The following CEP152 variants were observed in gnomAD, a reference collection of about 807,000 sequenced individuals.
CEP152 encodes the protein centrosomal protein of 152 kDa.
In CEP152, 132 loss-of-function variants were observed where a neutral mutation model predicts 188.9. That is an observed-to-expected ratio of 0.70 (90% CI 0.61 to 0.81). The LOEUF (loss-of-function observed/expected upper bound fraction) is 0.81. Among genes scored for constraint, CEP152 ranks in the 30% least tolerant of loss-of-function variants. CEP152 has a pLI of 0.00. For missense variants in CEP152, 1,914 were observed against 1,969.8 expected, an observed-to-expected ratio of 0.97 and a Z score of 0.54; for synonymous variants, 649 against 666.6, an observed-to-expected ratio of 0.97 and a Z score of 0.41.
chr15:48,802,888 T>C (rs1296143654), intron 2 of CEP152, among the ~76,000 whole-genome samples: 1 of 152,226 alleles, frequency 6.6e-6, no homozygotes, highest in Non-Finnish European at 1.5e-5. Context: ...TGGGCCCATG[T>C]GGACAAAATC....
chr15:48,778,946 T>C (rs1018962441), intron 12 of CEP152, among the ~76,000 whole-genome samples: 22 of 138,710 alleles, frequency 1.6e-4, no homozygotes, highest in African/African-American at 5.9e-4. Context: ...CAAAACTCCA[T>C]CTCAAAAAAA....
At chr15:48,767,033 T>C in intron 17 of CEP152, 27 bp downstream of exon 17, 1 of 1,610,832 alleles carries the variant, frequency 6.2e-7, no homozygotes, top group Non-Finnish European at 8.5e-7. Flanking sequence ...TGAAAGGATG[T>C]CGATACAACA....
intron 21 of CEP152, among the ~76,000 whole-genome samples, chr15:48,749,494 T>C (rs1893720361): frequency 1.3e-5 from 2 of 151,988 alleles, no homozygotes; most frequent in South Asian, 2.1e-4. Context: ...AGTAATTATA[T>C]AGTGAAGAAA....
intron 1 of CEP152, among the ~76,000 whole-genome samples, chr15:48,807,903 T>TTTAAA (rs1898087856): frequency 2.8e-5 from 1 of 35,638 alleles, no homozygotes; most frequent in Non-Finnish European, 6.9e-5. Context: ...GGGTTTTGTT[T>TTTAAA]TTAAAGAGAA....
At chr15:48,758,381 T>C (rs1209220161) in intron 19 of CEP152, among the ~76,000 whole-genome samples, 1 of 152,112 alleles carries the variant, frequency 6.6e-6, no homozygotes, top group Admixed American at 6.5e-5. Context: ...TAGTGCTACT[T>C]ACATCCAAGT....
In CEP152 at chr15:48,738,741, A is replaced by C. The variant is rs1300345119; in HGVS notation, c.4641T>G (p.Ala1547=). Residue 1547 remains alanine, a synonymous_variant, in exon 27 of 27, where the codon GCT becomes GCG. Transcript: ENST00000380950. The part of the protein sequence containing the change: ...KCNPLMESEN[A]ASEKSQGLDV... ...CCAAACCTTGACTTTTCTCAGATGC[A>C]GCATTTTCACTTTCCATTAGTGGAT... 3.1e-6 allele frequency: 5 copies of C among 1,614,220 alleles called. No homozygotes were observed. The highest frequency in any genetic ancestry group is 1.6e-4 in the Middle Eastern group (1 of 6,062).
At chr15:48,769,543 C>A (rs1436864064) in intron 13 of CEP152, among the ~76,000 whole-genome samples, 17 of 152,162 alleles carry the variant, frequency 1.1e-4, no homozygotes, top group Admixed American at 1.1e-3. Flanking sequence ...GATATGTGCT[C>A]TTTGCAGGAG....
At chr15:48,751,105 G>C (rs775945522) in intron 21 of CEP152, among the ~76,000 whole-genome samples, 4 of 152,026 alleles carry the variant, frequency 2.6e-5, no homozygotes, top group Non-Finnish European at 4.4e-5. Context: ...CTGGTGGTAG[G>C]ATTTTAAAGG....
At chr15:48,797,250 C>T in intron 5 of CEP152, 51 bp downstream of exon 5, 1 of 1,592,688 alleles carries the variant, frequency 6.3e-7, no homozygotes, top group South Asian at 1.1e-5. Flanking sequence ...AAACATCACG[C>T]AAATGCGTGT....
At chr15:48,777,782 G>A (rs1470449410) in intron 12 of CEP152, among the ~76,000 whole-genome samples, 1 of 152,096 alleles carries the variant, frequency 6.6e-6, no homozygotes, top group Non-Finnish European at 1.5e-5. Flanking sequence ...ATTTTGCTCG[G>A]TTAACAAATT....
At position 48,793,340 on chromosome 15, in the gene CEP152, G is replaced by T; in HGVS notation, c.813C>A (p.His271Gln). 6.2e-7 allele frequency: 1 copy of T among 1,613,910 alleles called. No homozygotes were observed. The highest frequency in any genetic ancestry group is 1.3e-5 in the African/African-American group (1 of 75,030). Residue 271 changes from histidine to glutamine, a missense_variant, in exon 7 of 27, where the codon CAC (histidine) becomes CAA (glutamine). Transcript: ENST00000380950. ...ESERQIRYLN[H>Q]QLVIIKDEKD... ...TCTTACCTTTTATTATTACAAGCTG[G>T]TGATTCAGATATCGAATTTGACGTT...
intron 19 of CEP152, among the ~76,000 whole-genome samples, chr15:48,757,780 A>C (rs937981767): frequency 6.6e-6 from 1 of 152,240 alleles, no homozygotes. Flanking sequence ...AATTCACTGC[A>C]AAATTCCTTT....
chr15:48,762,297 A>G (rs911558538), intron 18 of CEP152, 94 bp downstream of exon 18: 2 of 1,193,064 alleles, frequency 1.7e-6, no homozygotes, highest in African/African-American at 3.0e-5. Flanking sequence ...TTAAAAGTAT[A>G]AAGTTATGAA....
At chr15:48,758,338 A>G (rs574624204) in intron 19 of CEP152, among the ~76,000 whole-genome samples, 10 of 152,288 alleles carry the variant, frequency 6.6e-5, no homozygotes, top group Non-Finnish European at 1.0e-4. Context: ...ACATGTTGAC[A>G]TTATTTTTTG....
At chr15:48,760,374 C>T in intron 18 of CEP152, 108 bp from the exon 19 acceptor site, 1 of 1,345,392 alleles carries the variant, frequency 7.4e-7, no homozygotes, top group Admixed American at 1.8e-5. Flanking sequence ...TATATCACTA[C>T]ATAATAAAGT....
chr15:48,802,819 A>G (rs550505922), intron 2 of CEP152, among the ~76,000 whole-genome samples: 1 of 152,356 alleles, frequency 6.6e-6, no homozygotes, highest in East Asian at 1.9e-4. Flanking sequence ...GCAAAATCAT[A>G]ATTGTAAAGC....
chr15:48,739,180 G>A lies in CEP152; in HGVS notation c.4202C>T (p.Thr1401Ile). The A allele has an allele frequency of 6.2e-7, 1 of 1,613,908 alleles. No individual in the cohort carries two copies. Among genetic ancestry groups the A allele is most frequent in the Non-Finnish European group, 8.5e-7 (1 of 1,179,950 alleles). ...TTGTTCGCACAGAGTTCTGGTGATG[G>A]TGTTTACACTATTTGATTTGCTTTC... ...CIESKSNSVNTITRTLCEQAP... is the reference protein window; with the variant it reads ...CIESKSNSVNIITRTLCEQAP... Residue 1401 changes from threonine (T) to isoleucine (I), a missense_variant, in exon 27 of 27, where the codon ACC (threonine) becomes ATC (isoleucine). Transcript: ENST00000380950.
At chr15:48,799,589 C>CA (rs1469989797) in intron 2 of CEP152, among the ~76,000 whole-genome samples, 3 of 152,128 alleles carry the variant, frequency 2.0e-5, no homozygotes, top group Admixed American at 6.5e-5. Flanking sequence ...CTAACATTAA[C>CA]ACACAAGACC....
At chr15:48,755,298 T>A (rs2140662159) in intron 20 of CEP152, among the ~76,000 whole-genome samples, 1 of 152,306 alleles carries the variant, frequency 6.6e-6, no homozygotes, top group African/African-American at 2.4e-5. Context: ...TGTTTCTATA[T>A]CAATACCTTT....
Sources: gnomAD v4.1 joint callset for allele counts (sites outside exome capture counted in the v4.1 genomes callset) on GRCh38, gnomAD v4.1.1 for gene constraint, MANE v1.5 for transcripts, NCBI Gene and HGNC (gene_info 2026-07-23, HGNC 2026-07-21) for gene names.